Variants in TRRAP observed in about 807,000 individuals in gnomAD.
TRRAP encodes transformation/transcription domain-associated protein.
In TRRAP, 41 loss-of-function variants were observed where a neutral mutation model predicts 438.8. The ratio of observed to expected loss-of-function variants is 0.09; its 90% CI spans 0.07 to 0.12. The LOEUF (loss-of-function observed/expected upper bound fraction) is 0.12. TRRAP is among the 10% of genes least tolerant of loss of function. TRRAP has a pLI of 1.00. For synonymous variants in TRRAP, 1,994 were observed against 1,962.9 expected (o/e 1.02, Z -0.42); for missense variants, 3,122 against 5,055.1 (o/e 0.62, Z 11.60).
chr7:98,971,045 A>G (rs1246596534), intron 52 of TRRAP, among the ~76,000 whole-genome samples: 1 of 152,178 alleles, frequency 6.6e-6, no homozygotes, highest in Non-Finnish European at 1.5e-5. Context: ...CTTAGGAGAC[A>G]GTCACCCCGT....
chr7:98,967,028 A>C lies in TRRAP; in HGVS notation c.7177-13A>C. On this transcript the variant is annotated splice_polypyrimidine_tract_variant and intron_variant, in intron 49 of 72. Transcript: ENST00000456197. The stretch of plus-strand genomic sequence containing the variant: ...AATACTTTTAACTGCGTCTTTTCTC[A>C]AATTTCATACAGACACCTACACTCC... The C allele has an allele frequency of 6.3e-7, 1 of 1,595,340 alleles. No individual in the cohort carries two copies. Among genetic ancestry groups the C allele is most frequent in the Non-Finnish European group, 8.5e-7 (1 of 1,173,276 alleles).
chr7:98,958,434 G>T (rs1306010834), intron 44 of TRRAP, among the ~76,000 whole-genome samples: 1 of 151,944 alleles, frequency 6.6e-6, no homozygotes, highest in Non-Finnish European at 1.5e-5. Context: ...TGAGTTGCTG[G>T]GATTACAGGC....
In TRRAP at chr7:98,976,775, G is replaced by T. The variant is rs367772177; in HGVS notation, c.8247+5G>T. 20 of 1,611,826 alleles carry T rather than the reference G, an allele frequency of 1.2e-5. No homozygotes were observed. The African/African-American group carries it at 2.7e-4, about 22-fold the overall frequency. ...AGCATCACCCCGCCGCAGCAGGTGA[G>T]GGTGCGCCTCAGTTTGTTAATTACC... is the stretch of plus-strand genomic sequence containing the variant. On this transcript the variant is annotated splice_donor_5th_base_variant and intron_variant, in intron 55 of 72. Transcript: ENST00000456197. This position sits in a 1 kb window ranked among gnomAD's most constrained non-coding sequence, Gnocchi z 4.6.
Position 98,936,530 on chromosome 7 carries a change from T to C in TRRAP, c.4112-626T>C, listed in dbSNP as rs182139282. ...AGGTGTGTCTCCTTCCCTAAGAATATTTGCCTTTTGAAAGTCTTAAAGCCT... is the reference window on the plus strand; with the variant it reads ...AGGTGTGTCTCCTTCCCTAAGAATACTTGCCTTTTGAAAGTCTTAAAGCCT... On this transcript the variant is annotated intron_variant, in intron 28 of 72. Transcript: ENST00000456197. 7.9e-5 allele frequency among the ~76,000 whole-genome samples: 12 copies of C among 152,326 alleles called. No homozygotes were observed. In the East Asian group the frequency reaches 1.2e-3, roughly 15 times the overall value.
chr7:99,008,747 G>A (rs889336272), intron 70 of TRRAP, among the ~76,000 whole-genome samples, 186 bp downstream of exon 70: 9 of 152,222 alleles, frequency 5.9e-5, no homozygotes, highest in East Asian at 3.9e-4. Context: ...TTGGTGAGAG[G>A]ACACTTGTCG....
At chr7:98,919,071 G>A (rs913220856) in intron 20 of TRRAP, among the ~76,000 whole-genome samples, 1 of 152,170 alleles carries the variant, frequency 6.6e-6, no homozygotes, top group Admixed American at 6.5e-5. Flanking sequence ...TTGTGATCTG[G>A]TTGGTAATTG....
At chr7:98,934,462 C>A (rs1421085877) in intron 27 of TRRAP, among the ~76,000 whole-genome samples, 1 of 152,186 alleles carries the variant, frequency 6.6e-6, no homozygotes, top group Admixed American at 6.5e-5. Flanking sequence ...TGCATAACTT[C>A]CCTTGGCTGA....
intron 58 of TRRAP, among the ~76,000 whole-genome samples, chr7:98,980,535 G>A (rs1584388309): frequency 6.6e-6 from 1 of 152,264 alleles, no homozygotes; most frequent in African/African-American, 2.4e-5. Context: ...GGAACACATG[G>A]TCTCCACCTG....
intron 24 of TRRAP, 101 bp downstream of exon 24, chr7:98,930,307 TGGC>T: frequency 7.1e-7 from 1 of 1,403,366 alleles, no homozygotes; most frequent in Non-Finnish European, 9.7e-7. Context: ...CCAGACGCAG[TGGC>T]TCACGCCTGT....
chr7:98,965,061 A>G (rs894070372), intron 48 of TRRAP, among the ~76,000 whole-genome samples: 11 of 152,232 alleles, frequency 7.2e-5, no homozygotes, highest in African/African-American at 2.7e-4. Flanking sequence ...GGCTGCTGTG[A>G]GCTGTGATCA....
chr7:98,948,461 T>C lies in TRRAP; in HGVS notation c.4669-105T>C, dbSNP rs1363723304. On this transcript the variant is annotated intron_variant, in intron 34 of 72. Coordinates refer to ENST00000456197, the MANE Select transcript of TRRAP (RefSeq NM_001375524.1). This position sits in a 1 kb window ranked among gnomAD's most constrained non-coding sequence, Gnocchi z 4.9. ...AAGACGTTCGATGTCAACATTTGCT[T>C]GTGGGTGTTCATGCACTCCAGTAAC... 1.2e-6 allele frequency: 2 copies of C among 1,610,194 alleles called. No homozygotes were observed. The highest frequency in any genetic ancestry group is 1.7e-6 in the Non-Finnish European group (2 of 1,178,258).
Position 98,962,969 on chromosome 7 carries a change from C to T in TRRAP, c.6829+542C>T, listed in dbSNP as rs118176481. Among the ~76,000 whole-genome samples the T allele has an allele frequency of 2.5e-3, 385 of 152,296 alleles. 2 individuals are homozygous for T. Among genetic ancestry groups the T allele is most frequent in the Non-Finnish European group, 3.6e-3 (244 of 68,026 alleles). On this transcript the variant is annotated intron_variant, in intron 47 of 72. Coordinates refer to ENST00000456197, the MANE Select transcript of TRRAP (RefSeq NM_001375524.1). ...GCAGACACATGTCTTTGATCCTAGA[C>T]TTTGGATTAGTGCCTCAAAATTTAT...
At chr7:98,881,037 A>G in intron 1 of TRRAP, 53 bp from the exon 2 acceptor site, 2 of 718,452 alleles carry the variant, frequency 2.8e-6, no homozygotes, top group Non-Finnish European at 2.2e-6. Context: ...TTTCACAGAG[A>G]TTGTGATCCT....
In TRRAP at chr7:98,910,224, C is replaced by G; in HGVS notation, c.1519C>G (p.Pro507Ala). 7.0e-7 allele frequency: 1 copy of G among 1,421,238 alleles called. No homozygotes were observed. The allele number at this position is 1,421,238 out of a possible 1,614,324, so 88.0% of individuals were successfully genotyped here. The change falls in exon 15 of 73, where the codon CCT (proline) becomes GCT (alanine). Residue 507 changes from proline to alanine, a missense_variant. Transcript: ENST00000456197. ...APSPAPVPAP[P>A]PPPPPPPPAT... ...CTCCCCAGCCCCTGTCCCTGCCCCA[C>G]CTCCACCCCCGCCCCCACCCCCACC...
chr7:98,950,847 C>T (rs1448779340), intron 38 of TRRAP, 29 bp from the exon 39 acceptor site: 3 of 1,500,286 alleles, frequency 2.0e-6, no homozygotes, highest in Non-Finnish European at 2.7e-6. Context: ...CTTTGTTTTT[C>T]TCCTTCTTTA....
chr7:98,945,814 A>G lies in TRRAP; in HGVS notation c.4527+14A>G, dbSNP rs782257013. On this transcript the variant is annotated intron_variant, in intron 32 of 72. Coordinates refer to ENST00000456197, the MANE Select transcript of TRRAP (RefSeq NM_001375524.1). ...TGTCAGTTTGAGGTGAGAACAACCT[A>G]TTAACAGTCAGTTTCTGACTTGCAA... 18 of 1,597,248 alleles carry G rather than the reference A, an allele frequency of 1.1e-5. No homozygotes were observed. Among genetic ancestry groups the G allele is most frequent in the Admixed American group, 3.3e-5 (2 of 59,830 alleles).
At chr7:98,955,935 G>A (rs117543148) in intron 41 of TRRAP, among the ~76,000 whole-genome samples, 1 of 152,138 alleles carries the variant, frequency 6.6e-6, no homozygotes, top group African/African-American at 2.4e-5. Flanking sequence ...GATGTAGTTG[G>A]GGTGGGGGAG....
intron 31 of TRRAP, among the ~76,000 whole-genome samples, chr7:98,943,936 G>A (rs1554416220): frequency 6.6e-6 from 1 of 152,092 alleles, no homozygotes. Context: ...ATTATGCTTT[G>A]TTTTGACCAT....
Position 98,916,207 on chromosome 7 carries a change from G to A in TRRAP, c.2365+319G>A, listed in dbSNP as rs1789513180. Among the ~76,000 whole-genome samples, 4 of 152,302 alleles carry A rather than the reference G, an allele frequency of 2.6e-5. No homozygotes were observed. The South Asian group carries it at 8.3e-4, about 32-fold the overall frequency. Reference sequence around the variant, plus strand: ...AAGCAAGTCTAGAAAATGATTTCTAGTGGTTTAGTAAGATCAGAGATCCCT... The same window carrying A: ...AAGCAAGTCTAGAAAATGATTTCTAATGGTTTAGTAAGATCAGAGATCCCT... On this transcript the variant is annotated intron_variant, in intron 19 of 72. Coordinates refer to ENST00000456197, the MANE Select transcript of TRRAP (RefSeq NM_001375524.1).
Sources: gnomAD v4.1 joint callset for allele counts (sites outside exome capture counted in the v4.1 genomes callset) on GRCh38, gnomAD v4.1.1 for gene constraint, Gnocchi (gnomAD v3.1) non-coding constraint, MANE v1.5 for transcripts, NCBI Gene and HGNC (gene_info 2026-07-23, HGNC 2026-07-21) for gene names.